CFH: variants seen among roughly 807,000 people sequenced by gnomAD.
CFH encodes the protein H factor 1 (complement).
CFH carries 53 observed loss-of-function variants against 147.3 expected under a neutral mutation model. The ratio of observed to expected loss-of-function variants is 0.36; its 90% CI spans 0.29 to 0.45. The LOEUF is 0.45. Ranked by LOEUF, CFH falls within the 20% of genes least tolerant of loss-of-function variation. The pLI, the probability that CFH is intolerant of heterozygous loss-of-function variation, is 1.00. For missense variants in CFH, 1,380 were observed against 1,498.0 expected, an observed-to-expected ratio of 0.92 and a Z score of 1.30; for synonymous variants, 536 against 489.4, an observed-to-expected ratio of 1.10 and a Z score of -1.26.
intron 9 of CFH, among the ~76,000 whole-genome samples, chr1:196,710,369 G>A (rs1423084495): frequency 6.6e-6 from 1 of 152,080 alleles, no homozygotes; most frequent in African/African-American, 2.4e-5. Context: ...GAACCTGATA[G>A]TCTTATAACA....
At chr1:196,721,301 G>A (rs188152366) in intron 11 of CFH, among the ~76,000 whole-genome samples, 278 of 151,974 alleles carry the variant, frequency 1.8e-3, no homozygotes, top group African/African-American at 6.5e-3. Flanking sequence ...AAAATTTTTA[G>A]TTTAATTCAC....
chr1:196,733,566 G>C (rs1156884507), intron 15 of CFH, among the ~76,000 whole-genome samples: 1 of 152,002 alleles, frequency 6.6e-6, no homozygotes, highest in African/African-American at 2.4e-5. Flanking sequence ...CACTGCTCTT[G>C]GGCAATGAAG....
chr1:196,675,223 T>A (rs1667415139), intron 3 of CFH, among the ~76,000 whole-genome samples: 2 of 152,124 alleles, frequency 1.3e-5, no homozygotes, highest in African/African-American at 4.8e-5. Flanking sequence ...TTTGCACATG[T>A]CCCAGGGAAC....
At chr1:196,708,595 T>C (rs2149099681) in intron 9 of CFH, among the ~76,000 whole-genome samples, 1 of 126,828 alleles carries the variant, frequency 7.9e-6, no homozygotes, top group East Asian at 3.0e-4. Context: ...TTCAATTCCA[T>C]TTGTCTATAT....
intron 4 of CFH, 105 bp downstream of exon 4, chr1:196,676,170 AT>A: frequency 1.4e-6 from 1 of 695,236 alleles, no homozygotes; most frequent in Non-Finnish European, 2.3e-6. Flanking sequence ...TTTTTATTTA[AT>A]GTTTTTTTTT....
intron 10 of CFH, among the ~76,000 whole-genome samples, chr1:196,714,519 ACTAT>A (rs1484431159): frequency 6.7e-6 from 1 of 149,274 alleles, no homozygotes. Context: ...TCCCTACCAC[ACTAT>A]CTAGATATTT....
intron 15 of CFH, among the ~76,000 whole-genome samples, chr1:196,734,430 G>A (rs964098548): frequency 5.3e-5 from 8 of 151,990 alleles, no homozygotes; most frequent in Non-Finnish European, 8.8e-5. Context: ...TGCAGGTATC[G>A]TTAAGTGCTC....
chr1:196,728,244 A>C (rs1573068038), intron 14 of CFH, 102 bp from the exon 15 acceptor site: 1 of 846,878 alleles, frequency 1.2e-6, no homozygotes, highest in East Asian at 2.9e-5. Flanking sequence ...ATTAAGTCAT[A>C]ATTTTACCAT....
intron 9 of CFH, among the ~76,000 whole-genome samples, chr1:196,707,620 A>G (rs568136708): frequency 1.3e-5 from 2 of 152,300 alleles, no homozygotes; most frequent in East Asian, 3.9e-4. Flanking sequence ...CCACAGCCAT[A>G]TAAAACCCGC....
At chr1:196,707,368 T>A (rs1302204384) in intron 9 of CFH, among the ~76,000 whole-genome samples, 2 of 152,168 alleles carry the variant, frequency 1.3e-5, no homozygotes, top group African/African-American at 4.8e-5. Flanking sequence ...TTAGATATTA[T>A]CAAATATACA....
At chr1:196,718,158 T>C (rs571502754) in intron 11 of CFH, among the ~76,000 whole-genome samples, 3 of 152,162 alleles carry the variant, frequency 2.0e-5, no homozygotes, top group Non-Finnish European at 4.4e-5. Context: ...CAGGAGAAAA[T>C]GGTGAAAACA....
chr1:196,682,676 AAG>A (rs1331367923), intron 6 of CFH, among the ~76,000 whole-genome samples: 3 of 151,594 alleles, frequency 2.0e-5, no homozygotes, highest in Non-Finnish European at 4.4e-5. Context: ...GACAGAAAAA[AAG>A]AAAAAAGGAA....
chr1:196,670,589 C>T, intron 1 of CFH, among the ~76,000 whole-genome samples: 1 of 152,120 alleles, frequency 6.6e-6, no homozygotes, highest in South Asian at 2.1e-4. Flanking sequence ...CTTTCCTTCC[C>T]CTTCCACCAT....
intron 1 of CFH, among the ~76,000 whole-genome samples, chr1:196,665,184 A>C (rs1296466651): frequency 6.6e-6 from 1 of 151,704 alleles, no homozygotes; most frequent in African/African-American, 2.4e-5. Flanking sequence ...TACTGCAAGA[A>C]GTGTTTGTGT....
chr1:196,658,644 C>T (rs1328337017), intron 1 of CFH, among the ~76,000 whole-genome samples: 1 of 151,906 alleles, frequency 6.6e-6, no homozygotes, highest in African/African-American at 2.4e-5. Context: ...GTCTGGATCT[C>T]CTGACCTCGT....
At chr1:196,717,385 G>A (rs1668896013) in intron 11 of CFH, among the ~76,000 whole-genome samples, 1 of 152,056 alleles carries the variant, frequency 6.6e-6, no homozygotes, top group African/African-American at 2.4e-5. Context: ...ATATAATAAA[G>A]TCAAAGAAGT....
At chr1:196,705,587 A>G (rs758957324) in intron 9 of CFH, among the ~76,000 whole-genome samples, 1 of 152,148 alleles carries the variant, frequency 6.6e-6, no homozygotes, top group Non-Finnish European at 1.5e-5. Flanking sequence ...TTGTTCATAC[A>G]TGAGAGAGAA....
intron 1 of CFH, among the ~76,000 whole-genome samples, chr1:196,661,882 TTTTG>T (rs1447800615): frequency 6.6e-5 from 10 of 151,838 alleles, no homozygotes; most frequent in South Asian, 6.2e-4. Flanking sequence ...AGAGGTTTTG[TTTTG>T]TTTGTTTTGT....
At chr1:196,713,336 A>T (rs1668767789) in intron 9 of CFH, among the ~76,000 whole-genome samples, 1 of 152,150 alleles carries the variant, frequency 6.6e-6, no homozygotes, top group Admixed American at 6.6e-5. Flanking sequence ...TCATCACAGG[A>T]TCTCAGATAC....
Sources: allele counts gnomAD v4.1 joint callset (sites outside exome capture counted in the v4.1 genomes callset), GRCh38; gene constraint gnomAD v4.1.1; transcripts MANE v1.5; gene names NCBI Gene and HGNC (gene_info 2026-07-23, HGNC 2026-07-21).